The following PTPN12 variants were observed in gnomAD, a reference collection of about 807,000 sequenced individuals.
PTPN12 encodes protein tyrosine phosphatase non-receptor type 12.
Under a neutral mutation model 97.6 loss-of-function variants are expected in PTPN12, and 29 were observed. The ratio of observed to expected loss-of-function variants is 0.30; its 90% CI spans 0.22 to 0.41. The LOEUF (loss-of-function observed/expected upper bound fraction) is 0.41, where lower values mean the gene tolerates loss of function less well. Ranked by LOEUF, PTPN12 falls within the 10% of genes least tolerant of loss-of-function variation. The pLI is 1.00. For missense variants in PTPN12, 819 were observed against 926.0 expected, an observed-to-expected ratio of 0.88 and a Z score of 1.50; for synonymous variants, 327 against 300.4, an observed-to-expected ratio of 1.09 and a Z score of -0.91.
rs1289602913 is a variant in PTPN12, at chr7:77,537,457, G to A, written c.-90G>A. 19 of 1,446,588 alleles carry A rather than the reference G, an allele frequency of 1.3e-5. No individual in the cohort carries two copies. The highest frequency in any genetic ancestry group is 1.7e-5 in the Non-Finnish European group (19 of 1,095,894). 89.6% of individuals were successfully genotyped at this position (1,446,588 alleles called of 1,614,324 possible). On this transcript the variant is annotated 5_prime_UTR_variant, in exon 1 of 18. Transcript: ENST00000248594. ...GGGTCGGGAGGGAGGGACGTGCTGG[G>A]GGAACGAGCTGGGGAAGACGGAGCG...
At chr7:77,611,110 C>G in intron 11 of PTPN12, 64 bp downstream of exon 11, 1 of 1,313,856 alleles carries the variant, frequency 7.6e-7, no homozygotes, top group Non-Finnish European at 1.1e-6. Flanking sequence ...TAATATTTAG[C>G]CTTTTTTTTG....
chr7:77,549,534 C>A (rs2151299265), intron 1 of PTPN12, among the ~76,000 whole-genome samples: 1 of 151,332 alleles, frequency 6.6e-6, no homozygotes, highest in East Asian at 1.9e-4. Context: ...AAATATGGAA[C>A]CTTCTTGCAA....
intron 2 of PTPN12, among the ~76,000 whole-genome samples, chr7:77,571,658 A>G (rs1013528755): frequency 2.0e-5 from 3 of 152,096 alleles, no homozygotes; most frequent in Non-Finnish European, 2.9e-5. Context: ...GCCTCTAAGT[A>G]TATGTCTTAG....
chr7:77,613,087 T>G (rs1788624575), intron 11 of PTPN12, among the ~76,000 whole-genome samples: 1 of 151,356 alleles, frequency 6.6e-6, no homozygotes, highest in Middle Eastern at 3.4e-3. Flanking sequence ...TTGTATTATT[T>G]TGTATAATTT....
intron 13 of PTPN12, among the ~76,000 whole-genome samples, chr7:77,631,824 A>G (rs17382590): frequency 0.018 from 2,802 of 152,330 alleles, 35 homozygotes; most frequent in Middle Eastern, 0.072. Flanking sequence ...AGTATTTCCA[A>G]TGTTATTTCA....
rs74687516 is a variant in PTPN12, at chr7:77,632,331, T to G, written c.1997-17T>G. The G allele has an allele frequency of 3.2e-3, 4,904 of 1,537,458 alleles. 135 individuals are homozygous for G. In the African/African-American group the frequency reaches 0.057, roughly 18 times the overall value. On this transcript the variant is annotated splice_polypyrimidine_tract_variant and intron_variant, in intron 13 of 17. Coordinates refer to ENST00000248594, the MANE Select transcript of PTPN12 (RefSeq NM_002835.4). ...ATGACATGTTAATTTGTCTAAATTT[T>G]TATGTGTTTAATTTAGATGTTGATG...
At chr7:77,538,129 C>T (rs1299420528) in intron 1 of PTPN12, 1 of 986,958 alleles carries the variant, frequency 1.0e-6, no homozygotes, top group Non-Finnish European at 1.2e-6. Flanking sequence ...TCCTGGGATC[C>T]CTTTGCTCTA....
intron 16 of PTPN12, among the ~76,000 whole-genome samples, chr7:77,637,853 G>C (rs1359640348): frequency 3.5e-5 from 2 of 57,680 alleles, no homozygotes; most frequent in African/African-American, 1.9e-4. Flanking sequence ...GGGAAACTCC[G>C]TCTCAAAAAA....
chr7:77,609,272 T>TC (rs1788479346), intron 9 of PTPN12, among the ~76,000 whole-genome samples: 1 of 61,192 alleles, frequency 1.6e-5, no homozygotes, highest in Non-Finnish European at 2.7e-5. Flanking sequence ...TCTCTCTCTC[T>TC]CTTTTTTTTT....
rs1185045708 is a variant in PTPN12 at position 77,637,006 on chromosome 7, T to C, written c.2143-12T>C. 2 of 1,603,752 alleles carry C rather than the reference T, an allele frequency of 1.2e-6. No homozygotes were observed. The highest frequency in any genetic ancestry group is 1.7e-6 in the Non-Finnish European group (2 of 1,172,080). ...AATGTATTGTAATAGGTATTAAATGTCTTCCTCGTAGGGCTTGATAACCTC... is the reference window on the plus strand; with the variant it reads ...AATGTATTGTAATAGGTATTAAATGCCTTCCTCGTAGGGCTTGATAACCTC... On this transcript the variant is annotated splice_polypyrimidine_tract_variant and intron_variant, in intron 15 of 17. Coordinates refer to ENST00000248594, the MANE Select transcript of PTPN12 (RefSeq NM_002835.4).
chr7:77,598,019 G>C (rs531586528), intron 7 of PTPN12, 118 bp downstream of exon 7: 81 of 1,355,854 alleles, frequency 6.0e-5, no homozygotes, highest in Non-Finnish European at 7.8e-5. Flanking sequence ...CTTGAGTCCA[G>C]GGGTTCAAGA....
chr7:77,634,547 C>T (rs900265637), intron 14 of PTPN12, among the ~76,000 whole-genome samples: 1 of 151,576 alleles, frequency 6.6e-6, no homozygotes, highest in African/African-American at 2.4e-5. Flanking sequence ...TCATGCCATT[C>T]TCCTGCCTCA....
chr7:77,618,079 T>C (rs1262309462), intron 11 of PTPN12, among the ~76,000 whole-genome samples: 1 of 152,102 alleles, frequency 6.6e-6, no homozygotes, highest in African/African-American at 2.4e-5. Flanking sequence ...CTCCATTACT[T>C]GGTAAATGGT....
At chr7:77,625,472 GCTCTCTCTCTCTCTCTCTCTCTCT>G (rs775712037) in intron 12 of PTPN12, among the ~76,000 whole-genome samples, 9 of 33,528 alleles carry the variant, frequency 2.7e-4, no homozygotes, top group South Asian at 2.8e-3. Context: ...CAGGCTGCTC[GCTCTCTCTCTCTCTCTCTCTCTCT>G]CTCTCTCTCT....
In PTPN12 at chr7:77,627,439, CT is replaced by C; in HGVS notation, c.1762del (p.Ser588HisfsTer30). 6.2e-7 allele frequency: 1 copy of C among 1,614,058 alleles called. No individual in the cohort carries two copies. The highest frequency in any genetic ancestry group is 8.5e-7 in the Non-Finnish European group (1 of 1,179,946). On this transcript the variant is annotated frameshift_variant, in exon 13 of 18. Coordinates refer to ENST00000248594, the MANE Select transcript of PTPN12 (RefSeq NM_002835.4). LOFTEE classifies it high-confidence loss of function. ...CCTGATCTTGTGGATCATGATAACA[CT>C]TCACCACTCTTCAGAACACCCCTCA... is the stretch of plus-strand genomic sequence containing the variant. ...ETPDLVDHDNTSPLFRTPLSF... is the reference protein window; with the variant it reads ...ETPDLVDHDNXSPLFRTPLSF...
intron 12 of PTPN12, among the ~76,000 whole-genome samples, chr7:77,619,947 C>T (rs1001738243): frequency 6.6e-6 from 1 of 152,096 alleles, no homozygotes; most frequent in Non-Finnish European, 1.5e-5. Flanking sequence ...CTTTGGTATC[C>T]ACCAAAACTG....
chr7:77,632,030 A>T (rs1426952478), intron 13 of PTPN12, among the ~76,000 whole-genome samples: 1 of 152,190 alleles, frequency 6.6e-6, no homozygotes, highest in Non-Finnish European at 1.5e-5. Context: ...TGGACACAAA[A>T]CATCATCAGT....
chr7:77,630,372 AT>A (rs1189907412), intron 13 of PTPN12, among the ~76,000 whole-genome samples: 1 of 152,178 alleles, frequency 6.6e-6, no homozygotes, highest in Admixed American at 6.5e-5. Flanking sequence ...TAAGAAAAAT[AT>A]GTCATTAGGC....
At chr7:77,620,425 T>C (rs1312059311) in intron 12 of PTPN12, among the ~76,000 whole-genome samples, 1 of 152,236 alleles carries the variant, frequency 6.6e-6, no homozygotes, top group Non-Finnish European at 1.5e-5. Flanking sequence ...TTATAATACA[T>C]GCATAGGTCA....
Sources: allele counts gnomAD v4.1 joint callset (sites outside exome capture counted in the v4.1 genomes callset), GRCh38; gene constraint gnomAD v4.1.1; transcripts MANE v1.5; gene names NCBI Gene and HGNC (gene_info 2026-07-23, HGNC 2026-07-21).